The following YY1AP1 variants were observed in gnomAD, a reference collection of about 807,000 sequenced individuals.
YY1AP1 encodes the protein YY1 associated protein 1.
A neutral mutation model predicts 39.9 loss-of-function variants in YY1AP1; 43 were observed. The observed-to-expected ratio is 1.08, with a 90% confidence interval of 0.84 to 1.39. The LOEUF is 1.39. YY1AP1 is among the 40% of genes most tolerant of loss of function. The pLI is 0.00. For synonymous variants in YY1AP1, 292 were observed against 331.3 expected, an observed-to-expected ratio of 0.88 and a Z score of 1.29; for missense variants, 813 against 900.7, an observed-to-expected ratio of 0.90 and a Z score of 1.25.
intron 7 of YY1AP1, 91 bp downstream of exon 7, chr1:155,672,469 G>A (rs1261269753): frequency 2.9e-5 from 46 of 1,570,386 alleles, no homozygotes; most frequent in Non-Finnish European, 2.8e-5. Context: ...TCCATTCCTA[G>A]GCAAGTATCC....
At chr1:155,671,505 TA>T (rs1222953377) in intron 7 of YY1AP1, among the ~76,000 whole-genome samples, 6 of 152,114 alleles carry the variant, frequency 3.9e-5, no homozygotes, top group African/African-American at 1.4e-4. Context: ...ATTTTACTTT[TA>T]TTTCATTCTT....
In YY1AP1 at chr1:155,660,354, GA is replaced by G. The variant is rs1458474712; in HGVS notation, c.1555del (p.Ser519ProfsTer8). On this transcript the variant is annotated frameshift_variant, in exon 11 of 11. Transcript: ENST00000355499. LOFTEE classifies it low-confidence loss of function (END_TRUNC). ...TCTCACATATGGCTTTCGAAACATG[GA>G]AGAGGCAGGGGAGGGCATCATTACC... ...PKVMMPSPASSMFRKPYVRRR... is the reference protein window; with the variant it reads ...PKVMMPSPASXMFRKPYVRRR... The G allele has an allele frequency of 1.2e-6, 2 of 1,614,038 alleles. No individual in the cohort carries two copies. The highest frequency in any genetic ancestry group is 1.7e-6 in the Non-Finnish European group (2 of 1,180,026).
In YY1AP1 at chr1:155,668,667, T is replaced by C. The variant is rs1558304768; in HGVS notation, c.839A>G (p.Lys280Arg). 6.2e-7 allele frequency: 1 copy of C among 1,614,216 alleles called. No homozygotes were observed. The highest frequency in any genetic ancestry group is 8.5e-7 in the Non-Finnish European group (1 of 1,180,022). The stretch of plus-strand genomic sequence containing the variant: ...AGGAGCTCTGTTCATGTTGAGGTTC[T>C]TGATTCTCACTGTCAGTTGGCGGGC... Reference protein sequence around the residue: ...KTARQLTVRIKNLNMNRAPDN... With the variant: ...KTARQLTVRIRNLNMNRAPDN... Residue 280 changes from lysine to arginine, a missense_variant, in exon 9 of 11, where the codon AAG becomes AGG. Around this residue, in one of 3 missense-constraint regions of YY1AP1, gnomAD observed 586 missense variants for 647.4 expected, o/e 0.91. Transcript: ENST00000355499.
chr1:155,688,332 G>A (rs1166580283), intron 1 of YY1AP1, 131 bp from the exon 2 acceptor site: 4 of 1,551,086 alleles, frequency 2.6e-6, no homozygotes, highest in Admixed American at 3.9e-5. Flanking sequence ...CGGCGGCAGC[G>A]GCGGCAGCAG....
rs762136997 is a variant in YY1AP1 at position 155,660,196 on chromosome 1, T to C, written c.1714A>G (p.Asn572Asp). 1 of 1,614,194 alleles carries C rather than the reference T, an allele frequency of 6.2e-7. No homozygotes were observed. The highest frequency in any genetic ancestry group is 8.5e-7 in the Non-Finnish European group (1 of 1,180,026). The stretch of plus-strand genomic sequence containing the variant: ...GCCGCATTGACAGGCTGGATCATGT[T>C]ACAGCCACCGCCAAGGCTCACAATC... ...VKIVSLGGGC[N>D]MIQPVNAAVA... The change falls in exon 11 of 11, where the codon AAC becomes GAC. Residue 572 changes from asparagine to aspartate, a missense_variant. By Grantham distance (23) the Asn-to-Asp change is conservative (BLOSUM62 1). This residue lies in a region of YY1AP1 where 586 missense variants were observed against 647.4 expected (regional missense o/e 0.91). Transcript: ENST00000355499.
chr1:155,669,037 C>T (rs1649473000), intron 8 of YY1AP1, among the ~76,000 whole-genome samples: 1 of 151,928 alleles, frequency 6.6e-6, no homozygotes, highest in Admixed American at 6.6e-5. Context: ...GCCCAATCTA[C>T]TTTTTCATTT....
upstream of YY1AP1, chr1:155,688,895 G>A (rs755107941): frequency 1.2e-6 from 2 of 1,612,398 alleles, no homozygotes; most frequent in South Asian, 1.1e-5. Flanking sequence ...GACTGGAATT[G>A]CCAGGGTGGC....
At position 155,659,703 on chromosome 1, in the gene YY1AP1, T is replaced by C. The variant is rs138944459; in HGVS notation, c.2207A>G (p.Lys736Arg). Residue 736 changes from lysine (K) to arginine (R), a missense_variant, in exon 11 of 11, where the codon AAG becomes AGG. This residue lies in a region of YY1AP1 where 586 missense variants were observed against 647.4 expected (regional missense o/e 0.91). Transcript: ENST00000355499. The stretch of plus-strand genomic sequence containing the variant: ...CTCTGTAGCATCTTCAGGTTCCATC[T>C]TGACAACTTCCTCTAAATCCCCAGG... ...SSPGDLEEVV[K>R]MEPEDATEEI... 110 of 1,614,110 alleles carry C rather than the reference T, an allele frequency of 6.8e-5. 1 individual carries two copies. The highest frequency in any genetic ancestry group is 8.9e-5 in the Non-Finnish European group (105 of 1,180,044).
intron 2 of YY1AP1, among the ~76,000 whole-genome samples, chr1:155,682,351 A>AATGAGCGTTCTGATCTCTGACACAC: frequency 6.6e-6 from 1 of 152,142 alleles, no homozygotes; most frequent in Admixed American, 6.5e-5. Flanking sequence ...TATCATGTAA[A>AATGAGCGTTCTGATCTCTGACACAC]ATGAGCGTTC....
rs766174671 is a variant in YY1AP1 at position 155,659,687 on chromosome 1, A to T, written c.2223T>A (p.Asp741Glu). Residue 741 changes from aspartate (D) to glutamate (E), a missense_variant, in exon 11 of 11, where the codon GAT becomes GAA. Coordinates refer to ENST00000355499, the MANE Select transcript of YY1AP1 (RefSeq NM_139119.3). Reference sequence around the variant, plus strand: ...GAAATCCACTGATTTCCTCTGTAGCATCTTCAGGTTCCATCTTGACAACTT... The same window carrying T: ...GAAATCCACTGATTTCCTCTGTAGCTTCTTCAGGTTCCATCTTGACAACTT... ...LEEVVKMEPE[D>E]ATEEISGFL The T allele has an allele frequency of 3.7e-6, 6 of 1,614,112 alleles. No homozygotes were observed. Among genetic ancestry groups the T allele is most frequent in the Non-Finnish European group, 8.5e-7 (1 of 1,180,044 alleles).
chr1:155,683,132 AATT>A (rs1193710479), intron 2 of YY1AP1, among the ~76,000 whole-genome samples: 1 of 152,136 alleles, frequency 6.6e-6, no homozygotes, highest in Non-Finnish European at 1.5e-5. Flanking sequence ...GCAGAAAAAT[AATT>A]ATATTTCAGG....
At chr1:155,671,138 A>G (rs1478982205) in intron 7 of YY1AP1, 1 of 152,118 alleles carries the variant, frequency 6.6e-6, no homozygotes, top group Non-Finnish European at 1.5e-5. Flanking sequence ...TTCTTCCAGG[A>G]TAAGATTCCA....
chr1:155,660,751 C>T lies in YY1AP1; in HGVS notation c.1159G>A (p.Gly387Ser), dbSNP rs907998773. 6.2e-7 allele frequency: 1 copy of T among 1,614,156 alleles called. No homozygotes were observed. Among genetic ancestry groups the T allele is most frequent in the Admixed American group, 1.7e-5 (1 of 60,020 alleles). Residue 387 changes from glycine to serine, a missense_variant, in exon 11 of 11, where the codon GGT (glycine) becomes AGT (serine). By Grantham distance (56) the Gly-to-Ser change is moderately conservative. This residue lies in a region of YY1AP1 where 586 missense variants were observed against 647.4 expected (regional missense o/e 0.91). Coordinates refer to ENST00000355499, the MANE Select transcript of YY1AP1 (RefSeq NM_139119.3). ...ACTGGCTTCAGTTTCAGGACTACACCCTTAGGCAATAGCAGTGGGTACCGA... is the reference window on the plus strand; with the variant it reads ...ACTGGCTTCAGTTTCAGGACTACACTCTTAGGCAATAGCAGTGGGTACCGA... Reference protein sequence around the residue: ...ETRYPLLLPKGVVLKLKPVAD... With the variant: ...ETRYPLLLPKSVVLKLKPVAD...
In YY1AP1 at chr1:155,676,572, C is replaced by T; in HGVS notation, c.300G>A (p.Lys100=). The T allele has an allele frequency of 6.2e-7, 1 of 1,614,162 alleles. No homozygotes were observed. The highest frequency in any genetic ancestry group is 1.1e-5 in the South Asian group (1 of 91,086). ...CCTGCTGCATCTGCTGCTGGAGTCTCTTCCTTTGTGCTGGGTCCAGAATCA... is the reference window on the plus strand; with the variant it reads ...CCTGCTGCATCTGCTGCTGGAGTCTTTTCCTTTGTGCTGGGTCCAGAATCA... ...QTLILDPAQR[K]RLQQQMQQHV... is the part of the protein sequence containing the mutation. Residue 100 remains lysine (K), a synonymous_variant, in exon 5 of 11, where the codon AAG becomes AAA. Transcript: ENST00000355499.
intron 2 of YY1AP1, 34 bp from the exon 3 acceptor site, chr1:155,680,490 A>ATC: frequency 6.3e-7 from 1 of 1,582,878 alleles, no homozygotes; most frequent in South Asian, 1.1e-5. Flanking sequence ...GGTATAAATT[A>ATC]GATTCATTTT....
intron 9 of YY1AP1, among the ~76,000 whole-genome samples, chr1:155,662,500 T>A (rs1194403857): frequency 2.8e-5 from 4 of 140,588 alleles, no homozygotes; most frequent in African/African-American, 1.2e-4. Context: ...TGAGACTCCA[T>A]CTCAAAAAAA....
rs202044617 is a variant in YY1AP1, at chr1:155,659,857, C to T, written c.2053G>A (p.Asp685Asn). 29 of 1,614,198 alleles carry T rather than the reference C, an allele frequency of 1.8e-5. No individual in the cohort carries two copies. The East Asian group carries it at 5.1e-4, about 29-fold the overall frequency. The change falls in exon 11 of 11, where the codon GAT (aspartate) becomes AAT (asparagine). Residue 685 changes from aspartate to asparagine, a missense_variant. Transcript: ENST00000355499. ...VEHSPGPPPV[D>N]KQCQEGLSEN... The stretch of plus-strand genomic sequence containing the variant: ...GACAATCCTTCTTGGCACTGTTTAT[C>T]GACTGGTGGAGGCCCTGGGCTATGT...
chr1:155,659,551 T>C lies in YY1AP1; in HGVS notation c.*106A>G. ...GCTCAAGAGCCCCAGTTGCAAAATCTGGGGTTTAAGTACCCTTTAGGGGTT... is the reference window on the plus strand; with the variant it reads ...GCTCAAGAGCCCCAGTTGCAAAATCCGGGGTTTAAGTACCCTTTAGGGGTT... On this transcript the variant is annotated 3_prime_UTR_variant, in exon 11 of 11. Transcript: ENST00000355499. The C allele has an allele frequency of 7.9e-7, 1 of 1,267,884 alleles. No individual in the cohort carries two copies. Among genetic ancestry groups the C allele is most frequent in the African/African-American group, 1.5e-5 (1 of 67,024 alleles). The allele number at this position is 1,267,884 out of a possible 1,614,324, so 78.5% of individuals were successfully genotyped here.
intron 3 of YY1AP1, 37 bp from the exon 4 acceptor site, chr1:155,679,549 T>C (rs747869173): frequency 1.2e-6 from 2 of 1,613,834 alleles, no homozygotes; most frequent in Admixed American, 1.7e-5. Flanking sequence ...TCCTGGGGAA[T>C]GGGCTTTTGA....
Sources: allele counts gnomAD v4.1 joint callset (sites outside exome capture counted in the v4.1 genomes callset), GRCh38; gene constraint gnomAD v4.1.1; regional missense constraint gnomAD v4.1.1; transcripts MANE v1.5; gene names NCBI Gene and HGNC (gene_info 2026-07-23, HGNC 2026-07-21).